Variants in TMEM178B observed in about 807,000 individuals in gnomAD.
The protein encoded by TMEM178B is transmembrane protein 178B.
In TMEM178B, 5 loss-of-function variants were observed where a neutral mutation model predicts 31.0. That is an observed-to-expected ratio of 0.16 (90% CI 0.08 to 0.34). TMEM178B has a LOEUF of 0.34. Among genes scored for constraint, TMEM178B ranks in the 10% least tolerant of loss-of-function variants. The probability of loss-of-function intolerance (pLI) is 1.00; values close to 1 mark genes in which losing one functional copy is unlikely to be tolerated. For synonymous variants in TMEM178B, 164 were observed against 164.0 expected (o/e 1.00, Z 0.00); for missense variants, 275 against 400.3 (o/e 0.69, Z 2.67).
At chr7:141,438,231 G>T (rs1387511829) in intron 3 of TMEM178B, among the ~76,000 whole-genome samples, 1 of 152,046 alleles carries the variant, frequency 6.6e-6, no homozygotes, top group African/African-American at 2.4e-5. Context: ...CGGGGGTGGG[G>T]CAGGACTAGA....
At chr7:141,469,560 T>C (rs113948350) in intron 3 of TMEM178B, among the ~76,000 whole-genome samples, 1 of 152,198 alleles carries the variant, frequency 6.6e-6, no homozygotes, top group African/African-American at 2.4e-5. Flanking sequence ...TCCTTTTTCT[T>C]CCTTCCATTG....
At chr7:141,355,545 TG>T (rs1467248103) in intron 2 of TMEM178B, among the ~76,000 whole-genome samples, 1 of 152,186 alleles carries the variant, frequency 6.6e-6, no homozygotes, top group Non-Finnish European at 1.5e-5. Context: ...AAGGACTAGG[TG>T]GAGCCAGGTG....
the TMEM178B span, among the ~76,000 whole-genome samples, chr7:141,499,388 G>A: frequency 6.7e-6 from 1 of 150,218 alleles, no homozygotes; most frequent in African/African-American, 2.5e-5. Flanking sequence ...AGCACTTTGG[G>A]AGGCCAAGGT....
At chr7:141,501,027 A>C in the TMEM178B span, among the ~76,000 whole-genome samples, 1 of 152,228 alleles carries the variant, frequency 6.6e-6, no homozygotes. Context: ...AGGAAGGAGA[A>C]AGAATGGAAG....
At chr7:141,168,329 TGCCTTGGAGAAGGTCTCTAG>T (rs1264197603) in intron 1 of TMEM178B, among the ~76,000 whole-genome samples, 4 of 152,214 alleles carry the variant, frequency 2.6e-5, no homozygotes, top group Admixed American at 6.5e-5. Flanking sequence ...AGACACATCC[TGCCTTGGAGAAGGTCTCTAG>T]GCCTTGGAGA....
At chr7:141,506,401 G>T in the TMEM178B span, among the ~76,000 whole-genome samples, 1 of 152,218 alleles carries the variant, frequency 6.6e-6, no homozygotes, top group Non-Finnish European at 1.5e-5. Context: ...GGAGGCCTCA[G>T]AATCATGGCA....
chr7:141,415,701 A>G (rs1040376472), intron 2 of TMEM178B, among the ~76,000 whole-genome samples: 1 of 152,218 alleles, frequency 6.6e-6, no homozygotes, highest in African/African-American at 2.4e-5. Context: ...GGGGACAGAC[A>G]GATTGCGAGG....
intron 2 of TMEM178B, among the ~76,000 whole-genome samples, chr7:141,252,661 T>C (rs1194898181): frequency 1.3e-5 from 2 of 152,248 alleles, no homozygotes; most frequent in African/African-American, 4.8e-5. Context: ...GTGTTATTAC[T>C]AATTCTACAC....
chr7:141,124,006 CG>C (rs1350216399), intron 1 of TMEM178B, among the ~76,000 whole-genome samples: 1 of 152,114 alleles, frequency 6.6e-6, no homozygotes, highest in African/African-American at 2.4e-5. Flanking sequence ...CTGCCCTCAT[CG>C]GCCTCCCAAA....
At chr7:141,168,296 A>G (rs1299056238) in intron 1 of TMEM178B, among the ~76,000 whole-genome samples, 2 of 152,042 alleles carry the variant, frequency 1.3e-5, no homozygotes, top group Admixed American at 6.6e-5. Flanking sequence ...ATTTAATGCA[A>G]ACTTCATGGC....
intron 2 of TMEM178B, among the ~76,000 whole-genome samples, chr7:141,257,117 A>G (rs1421412445): frequency 6.6e-6 from 1 of 152,228 alleles, no homozygotes; most frequent in Non-Finnish European, 1.5e-5. Flanking sequence ...CTAAAAAGGA[A>G]TGTCCAGTGA....
At chr7:141,099,639 A>G (rs182674332) in intron 1 of TMEM178B, among the ~76,000 whole-genome samples, 2 of 152,320 alleles carry the variant, frequency 1.3e-5, no homozygotes, top group East Asian at 3.9e-4. Flanking sequence ...TTATAGATCT[A>G]TAGCAAATCA....
intron 3 of TMEM178B, among the ~76,000 whole-genome samples, chr7:141,464,810 C>G (rs1056730904): frequency 6.6e-6 from 1 of 152,162 alleles, no homozygotes; most frequent in South Asian, 2.1e-4. Context: ...TGCTTACCAC[C>G]AGCCACCACT....
chr7:141,475,487 A>T lies in TMEM178B; in HGVS notation c.*4701A>T, dbSNP rs769651959. The T allele has an allele frequency of 6.6e-6, 1 of 152,236 alleles. No homozygotes were observed. Among genetic ancestry groups the T allele is most frequent in the Non-Finnish European group, 1.5e-5 (1 of 68,026 alleles). The allele number at this position is 152,236 out of a possible 1,614,324, so 9.4% of individuals were successfully genotyped here. A position where few individuals can be genotyped will look rare whatever the true frequency, so the allele number is the denominator to read the frequency against. On this transcript the variant is annotated 3_prime_UTR_variant, in exon 4 of 4. Coordinates refer to ENST00000565468, the MANE Select transcript of TMEM178B (RefSeq NM_001195278.2). The stretch of plus-strand genomic sequence containing the variant: ...AAGACTACAAGATTTTTCATAATCC[A>T]GTCACTCTGAGGCATCTACCGCGGG...
chr7:141,140,131 C>A (rs765122881), intron 1 of TMEM178B, among the ~76,000 whole-genome samples: 15 of 152,206 alleles, frequency 9.9e-5, no homozygotes, highest in Non-Finnish European at 1.3e-4. Flanking sequence ...TTGCATACCC[C>A]CTCAGCCTTA....
chr7:141,489,629 T>C, the TMEM178B span, among the ~76,000 whole-genome samples: 1 of 152,080 alleles, frequency 6.6e-6, no homozygotes, highest in South Asian at 2.1e-4. Context: ...CCTTCATGTG[T>C]GTGTCTCTCT....
chr7:141,388,863 C>T (rs1800481688), intron 2 of TMEM178B, among the ~76,000 whole-genome samples: 2 of 152,066 alleles, frequency 1.3e-5, no homozygotes, highest in Non-Finnish European at 2.9e-5. Flanking sequence ...AATCAAATAA[C>T]CTGGAGCTTC....
intron 2 of TMEM178B, among the ~76,000 whole-genome samples, chr7:141,295,383 C>A (rs1478486442): frequency 2.0e-5 from 3 of 152,180 alleles, no homozygotes; most frequent in African/African-American, 7.2e-5. Context: ...GCACATCCAG[C>A]CCAGAGCTGG....
chr7:141,293,220 G>C (rs1798577101), intron 2 of TMEM178B, among the ~76,000 whole-genome samples: 1 of 152,038 alleles, frequency 6.6e-6, no homozygotes, highest in African/African-American at 2.4e-5. Context: ...TATCATACTG[G>C]GGACCCCTAG....
Sources: allele counts gnomAD v4.1 joint callset (sites outside exome capture counted in the v4.1 genomes callset), GRCh38; gene constraint gnomAD v4.1.1; transcripts MANE v1.5; gene names NCBI Gene and HGNC (gene_info 2026-07-23, HGNC 2026-07-21).